The following SLX4IP variants were observed in gnomAD, a reference collection of about 807,000 sequenced individuals.
The protein encoded by SLX4IP is protein SLX4IP.
Under a neutral mutation model 32.9 loss-of-function variants are expected in SLX4IP, and 34 were observed. That is an observed-to-expected ratio of 1.03 (90% confidence interval 0.79 to 1.38). The LOEUF is 1.38. Ranked by LOEUF, SLX4IP falls within the 40% of genes most tolerant of loss-of-function variation. SLX4IP has a pLI of 0.00. For synonymous variants in SLX4IP, 172 were observed against 171.7 expected, an observed-to-expected ratio of 1.00 and a Z score of -0.01; for missense variants, 444 against 479.0, an observed-to-expected ratio of 0.93 and a Z score of 0.68.
chr20:10,475,367 C>G (rs970919580), intron 2 of SLX4IP, among the ~76,000 whole-genome samples: 1 of 152,172 alleles, frequency 6.6e-6, no homozygotes, highest in Non-Finnish European at 1.5e-5. Flanking sequence ...CTTAGACTAG[C>G]GTAACTGCTA....
At chr20:10,556,863 G>T (rs183776828) in intron 3 of SLX4IP, among the ~76,000 whole-genome samples, 32 of 152,346 alleles carry the variant, frequency 2.1e-4, no homozygotes, top group Admixed American at 2.0e-3. Context: ...AGCAGAGCAT[G>T]ATGCTGGACT....
At chr20:10,513,758 C>T (rs2065829451) in intron 2 of SLX4IP, among the ~76,000 whole-genome samples, 2 of 152,208 alleles carry the variant, frequency 1.3e-5, no homozygotes, top group African/African-American at 4.8e-5. Flanking sequence ...CATTGCCCCT[C>T]TGCAGCAGAG....
intron 2 of SLX4IP, among the ~76,000 whole-genome samples, chr20:10,478,023 A>C (rs7274256): frequency 0.61 from 91,666 of 150,804 alleles, 28,005 homozygotes; most frequent in South Asian, 0.75. Context: ...CTCAGCCTCC[A>C]GAGTAGCTGG....
At chr20:10,471,618 C>A (rs534254842) in intron 2 of SLX4IP, among the ~76,000 whole-genome samples, 18 of 152,252 alleles carry the variant, frequency 1.2e-4, no homozygotes, top group Non-Finnish European at 1.6e-4. Flanking sequence ...TTAGTCCTTG[C>A]TATTGATTCC....
chr20:10,601,591 G>A, intron 5 of SLX4IP, 140 bp from the exon 6 acceptor site: 1 of 658,088 alleles, frequency 1.5e-6, no homozygotes, highest in South Asian at 1.8e-5. Flanking sequence ...AACACCGAAA[G>A]GATGGGAGGA....
intron 1 of SLX4IP, among the ~76,000 whole-genome samples, chr20:10,451,041 C>T (rs898355958): frequency 2.0e-5 from 3 of 151,574 alleles, no homozygotes; most frequent in East Asian, 1.9e-4. Context: ...CGTGAGCCAC[C>T]GTGCCCGGCA....
At chr20:10,437,779 A>G (rs1568680883) in intron 1 of SLX4IP, among the ~76,000 whole-genome samples, 2 of 152,242 alleles carry the variant, frequency 1.3e-5, no homozygotes, top group Non-Finnish European at 2.9e-5. Context: ...TACAAGTACA[A>G]TATTCATTGC....
chr20:10,616,887 G>C (rs2067040701), intron 6 of SLX4IP, among the ~76,000 whole-genome samples: 1 of 152,170 alleles, frequency 6.6e-6, no homozygotes, highest in Non-Finnish European at 1.5e-5. Context: ...GTGAAACCAA[G>C]GTCCTTTCCC....
Position 10,556,310 on chromosome 20 carries a change from A to G in SLX4IP, c.107A>G (p.Gln36Arg), listed in dbSNP as rs573887761. ...SNKDTSWFSE[Q>R]KKEEVCLLLK... ...AAAGATACAAGCTGGTTTTCTGAAC[A>G]GAAGAAAGAGGTACAACAAAACTTT... is the stretch of plus-strand genomic sequence containing the variant. Residue 36 changes from glutamine to arginine, a missense_variant, in exon 3 of 8, where the codon CAG becomes CGG. Physicochemically the swap from Gln to Arg is conservative, Grantham distance 43. Transcript: ENST00000334534. The G allele has an allele frequency of 3.1e-6, 5 of 1,613,258 alleles. No homozygotes were observed. Among genetic ancestry groups the G allele is most frequent in the Non-Finnish European group, 3.4e-6 (4 of 1,179,768 alleles).
At chr20:10,507,926 A>ATGTATATTTGAGATATATATACACATATG (rs1206654421) in intron 2 of SLX4IP, among the ~76,000 whole-genome samples, 4 of 150,900 alleles carry the variant, frequency 2.7e-5, no homozygotes, top group South Asian at 2.1e-4. Flanking sequence ...ATATACATAT[A>ATGTATATTTGAGATATATATACACATATG]TGTATATTTG....
intron 4 of SLX4IP, among the ~76,000 whole-genome samples, chr20:10,565,350 C>T (rs1428767245): frequency 6.6e-6 from 1 of 151,932 alleles, no homozygotes; most frequent in East Asian, 1.9e-4. Context: ...GCTGGAGAGC[C>T]CTGTTGTGAA....
intron 2 of SLX4IP, among the ~76,000 whole-genome samples, chr20:10,553,467 A>G (rs994820661): frequency 3.3e-5 from 5 of 152,216 alleles, no homozygotes; most frequent in Non-Finnish European, 5.9e-5. Flanking sequence ...CATCAGCTTC[A>G]CAGTTGGCTA....
intron 4 of SLX4IP, among the ~76,000 whole-genome samples, chr20:10,571,113 G>A (rs1024879963): frequency 6.0e-4 from 92 of 152,180 alleles, no homozygotes; most frequent in African/African-American, 2.0e-3. Context: ...GATTACAGAC[G>A]TGAGCCTCCA....
chr20:10,439,926 A>G (rs779582152), intron 1 of SLX4IP, among the ~76,000 whole-genome samples: 1 of 152,186 alleles, frequency 6.6e-6, no homozygotes, highest in Non-Finnish European at 1.5e-5. Flanking sequence ...GTATATTTCT[A>G]AAGTCTTTTT....
At chr20:10,597,053 G>A (rs916071039) in intron 4 of SLX4IP, among the ~76,000 whole-genome samples, 6 of 152,192 alleles carry the variant, frequency 3.9e-5, no homozygotes, top group African/African-American at 7.2e-5. Context: ...CAGAGCCATC[G>A]CTTGTTTAGA....
intron 2 of SLX4IP, among the ~76,000 whole-genome samples, chr20:10,547,335 G>A (rs1459152361): frequency 6.6e-6 from 1 of 152,002 alleles, no homozygotes; most frequent in African/African-American, 2.4e-5. Context: ...TAAATCTGTT[G>A]TGGAAAACAA....
chr20:10,527,015 A>G (rs1053613972), intron 2 of SLX4IP, among the ~76,000 whole-genome samples: 1 of 152,204 alleles, frequency 6.6e-6, no homozygotes, highest in Admixed American at 6.5e-5. Flanking sequence ...CACAGGTGCA[A>G]CCAAAGCAAG....
intron 6 of SLX4IP, among the ~76,000 whole-genome samples, chr20:10,616,731 G>A (rs2067037704): frequency 6.6e-6 from 1 of 152,096 alleles, no homozygotes; most frequent in Non-Finnish European, 1.5e-5. Context: ...AGCCCACCTT[G>A]TTACCTACCA....
intron 2 of SLX4IP, among the ~76,000 whole-genome samples, chr20:10,467,544 T>TTAAAGACATACAGGGTTTTAAAGACA (rs1177615959): frequency 5.9e-5 from 9 of 152,224 alleles, no homozygotes; most frequent in African/African-American, 2.2e-4. Context: ...TGTAAGAGCT[T>TTAAAGACATACAGGGTTTTAAAGACA]TATGTTTTAA....
Sources: allele counts gnomAD v4.1 joint callset (sites outside exome capture counted in the v4.1 genomes callset), GRCh38; gene constraint gnomAD v4.1.1; transcripts MANE v1.5; gene names NCBI Gene and HGNC (gene_info 2026-07-23, HGNC 2026-07-21).